Variants in SLC14A2 observed in about 807,000 individuals in gnomAD.
SLC14A2 encodes solute carrier family 14 member 2.
In SLC14A2, 91 loss-of-function variants were observed where a neutral mutation model predicts 104.6. The ratio of observed to expected loss-of-function variants is 0.87; its 90% confidence interval spans 0.73 to 1.04. The LOEUF is 1.04. Among genes scored for constraint, SLC14A2 ranks in the 50% least tolerant of loss-of-function variants. SLC14A2 has a pLI of 0.00. For synonymous variants in SLC14A2, 476 were observed against 466.4 expected, an observed-to-expected ratio of 1.02 and a Z score of -0.27; for missense variants, 1,189 against 1,156.0, an observed-to-expected ratio of 1.03 and a Z score of -0.41.
chr18:45,234,981 G>C (rs548393524), intron 1 of SLC14A2, among the ~76,000 whole-genome samples: 1 of 152,038 alleles, frequency 6.6e-6, no homozygotes, highest in South Asian at 2.1e-4. Flanking sequence ...TAGAACTTTA[G>C]GTGTTTTTCT....
At chr18:45,356,759 G>A (rs1568165342) in intron 1 of SLC14A2, among the ~76,000 whole-genome samples, 1 of 152,202 alleles carries the variant, frequency 6.6e-6, no homozygotes, top group Non-Finnish European at 1.5e-5. Flanking sequence ...TAGGCCTATT[G>A]AATCAGAAAC....
At chr18:45,208,371 C>T (rs1486688617), upstream of SLC14A2, among the ~76,000 whole-genome samples, 1 of 152,154 alleles carries the variant, frequency 6.6e-6, no homozygotes, top group Non-Finnish European at 1.5e-5. Context: ...TCAACAGTGA[C>T]CCTGCTTGCG....
At chr18:45,545,861 A>G (rs2043960841) in intron 2 of SLC14A2, among the ~76,000 whole-genome samples, 1 of 152,134 alleles carries the variant, frequency 6.6e-6, no homozygotes, top group Non-Finnish European at 1.5e-5. Context: ...AGATTTATAT[A>G]TTTTTTCTTT....
the SLC14A2 span, among the ~76,000 whole-genome samples, chr18:45,186,779 C>G: frequency 6.6e-6 from 1 of 152,202 alleles, no homozygotes; most frequent in South Asian, 2.1e-4. Flanking sequence ...TTGTTGAAGA[C>G]TGGGTGTAAC....
upstream of SLC14A2, among the ~76,000 whole-genome samples, chr18:45,209,086 C>T (rs1413039256): frequency 1.3e-5 from 2 of 148,760 alleles, no homozygotes; most frequent in Admixed American, 6.7e-5. Context: ...TCTGTAATCC[C>T]AGCACTTTGG....
intron 1 of SLC14A2, among the ~76,000 whole-genome samples, chr18:45,474,717 G>A (rs1293940925): frequency 6.6e-6 from 1 of 152,088 alleles, no homozygotes; most frequent in Admixed American, 6.5e-5. Context: ...TAGGTTCAGT[G>A]GTGATATCTC....
intron 1 of SLC14A2, among the ~76,000 whole-genome samples, chr18:45,409,456 T>C (rs1238972261): frequency 6.6e-6 from 1 of 152,222 alleles, no homozygotes; most frequent in Admixed American, 6.5e-5. Flanking sequence ...TTTCTAAATA[T>C]AAAGCAAGAT....
At chr18:45,241,639 CTTTTTTTTTT>C (rs370878349) in intron 1 of SLC14A2, among the ~76,000 whole-genome samples, 70 of 118,030 alleles carry the variant, frequency 5.9e-4, no homozygotes, top group African/African-American at 2.1e-3. Flanking sequence ...TTTCTTTTCT[CTTTTTTTTTT>C]TTTTTTTTTT....
chr18:45,636,386 C>T (rs2045416677), intron 5 of SLC14A2, among the ~76,000 whole-genome samples: 1 of 152,174 alleles, frequency 6.6e-6, no homozygotes, highest in Admixed American at 6.5e-5. Context: ...TCAGGATTTG[C>T]ACTAAGCTTC....
chr18:45,381,695 T>C (rs1452074254), intron 1 of SLC14A2, among the ~76,000 whole-genome samples: 4 of 152,168 alleles, frequency 2.6e-5, no homozygotes, highest in Admixed American at 6.5e-5. Context: ...GGAATAACAC[T>C]TTTTTGTTGT....
At position 45,662,507 on chromosome 18, in the gene SLC14A2, G is replaced by C. The variant is rs374301141; in HGVS notation, c.1352-1278G>C. On this transcript the variant is annotated intron_variant, in intron 10 of 19. Transcript: ENST00000255226. ...AAGCCAATTCAAATTCAGTAGTTCT[G>C]GGGTAGGGCCTGAGATTCTGAATTC... is the stretch of plus-strand genomic sequence containing the variant. Among the ~76,000 whole-genome samples, 22 of 152,228 alleles carry C rather than the reference G, an allele frequency of 1.4e-4. No homozygotes were observed. In the East Asian group the frequency reaches 2.3e-3, roughly 16 times the overall value.
At chr18:45,652,482 C>A (rs2045757371) in intron 10 of SLC14A2, among the ~76,000 whole-genome samples, 1 of 152,328 alleles carries the variant, frequency 6.6e-6, no homozygotes, top group Middle Eastern at 3.4e-3. Context: ...AAGTAAGCAG[C>A]CCTTTGGAGA....
At chr18:45,326,119 T>A (rs1290348672) in intron 1 of SLC14A2, among the ~76,000 whole-genome samples, 1 of 152,192 alleles carries the variant, frequency 6.6e-6, no homozygotes, top group Admixed American at 6.5e-5. Context: ...TTTCCTACCA[T>A]CTTTCTGAAT....
At chr18:45,278,761 A>G (rs1021306909) in intron 1 of SLC14A2, among the ~76,000 whole-genome samples, 17 of 152,172 alleles carry the variant, frequency 1.1e-4, no homozygotes, top group Non-Finnish European at 5.9e-5. Context: ...AAATCCACAT[A>G]TAAATGAACC....
At chr18:45,547,526 T>C (rs1464517339) in intron 2 of SLC14A2, among the ~76,000 whole-genome samples, 1 of 152,212 alleles carries the variant, frequency 6.6e-6, no homozygotes, top group Non-Finnish European at 1.5e-5. Flanking sequence ...ATGCATGAGC[T>C]TCACTGCCTA....
At chr18:45,399,360 G>A (rs1352188447) in intron 1 of SLC14A2, among the ~76,000 whole-genome samples, 1 of 152,164 alleles carries the variant, frequency 6.6e-6, no homozygotes, top group Non-Finnish European at 1.5e-5. Flanking sequence ...TGAGATTGTG[G>A]GCACTTGAGC....
At chr18:45,444,033 G>T (rs1287832389) in intron 1 of SLC14A2, among the ~76,000 whole-genome samples, 2 of 152,192 alleles carry the variant, frequency 1.3e-5, no homozygotes, top group Non-Finnish European at 2.9e-5. Context: ...CAAGGGAGAA[G>T]AAATGGAAGC....
chr18:45,347,236 G>A (rs1278232806), intron 1 of SLC14A2, among the ~76,000 whole-genome samples: 1 of 151,102 alleles, frequency 6.6e-6, no homozygotes, highest in Non-Finnish European at 1.5e-5. Flanking sequence ...TGCACCTATA[G>A]TCCCAGCTAC....
chr18:45,559,409 G>T (rs1408913009), intron 2 of SLC14A2, among the ~76,000 whole-genome samples: 2 of 152,128 alleles, frequency 1.3e-5, no homozygotes, highest in Non-Finnish European at 2.9e-5. Context: ...GGAACAAGAT[G>T]GCACGTTAAA....
Sources: gnomAD v4.1 joint callset for allele counts (sites outside exome capture counted in the v4.1 genomes callset) on GRCh38, gnomAD v4.1.1 for gene constraint, MANE v1.5 for transcripts, NCBI Gene and HGNC (gene_info 2026-07-23, HGNC 2026-07-21) for gene names.